The following PPP1R14C variants were observed in gnomAD, a reference collection of about 807,000 sequenced individuals.
PPP1R14C encodes protein phosphatase 1 regulatory subunit 14C.
PPP1R14C carries 16 observed loss-of-function variants against 20.4 expected under a neutral mutation model. The observed-to-expected ratio is 0.78, with a 90% CI of 0.53 to 1.19. The LOEUF is 1.19. PPP1R14C is among the 50% of genes most tolerant of loss of function. The pLI is 0.00. For missense variants in PPP1R14C, 211 were observed against 220.1 expected, an observed-to-expected ratio of 0.96 and a Z score of 0.26; for synonymous variants, 91 against 91.0, an observed-to-expected ratio of 1.00 and a Z score of 0.00.
chr6:150,235,900 A>G (rs925607340), intron 3 of PPP1R14C, among the ~76,000 whole-genome samples: 7 of 152,150 alleles, frequency 4.6e-5, no homozygotes, highest in Non-Finnish European at 7.4e-5. Flanking sequence ...TGACCTTTGC[A>G]TGTCTTTCGT....
chr6:150,143,102 A>C lies in PPP1R14C; in HGVS notation c.-91A>C. 3.5e-6 allele frequency: 4 copies of C among 1,146,530 alleles called. No individual in the cohort carries two copies. The highest frequency in any genetic ancestry group is 3.2e-6 in the Non-Finnish European group (3 of 937,550). The allele number at this position is 1,146,530 out of a possible 1,614,324, so 71.0% of individuals were successfully genotyped here. On this transcript the variant is annotated 5_prime_UTR_variant, in exon 1 of 4. An upstream start codon of the reference 5' UTR is lost. Transcript: ENST00000361131. The surrounding 1 kb of genome is among the most constrained non-coding windows in gnomAD (Gnocchi z 5.6). Reference sequence around the variant, plus strand: ...GAGCAGGTGCCGGGGAGCCCTTCGCATGCGGCTGCCGGGCCGGAGGTGGTA... The same window carrying C: ...GAGCAGGTGCCGGGGAGCCCTTCGCCTGCGGCTGCCGGGCCGGAGGTGGTA...
At chr6:150,198,397 G>A (rs949559892) in intron 1 of PPP1R14C, among the ~76,000 whole-genome samples, 1 of 152,236 alleles carries the variant, frequency 6.6e-6, no homozygotes, top group African/African-American at 2.4e-5. Flanking sequence ...CCCTGCTGTG[G>A]CTGCGTGGTT....
Position 150,201,358 on chromosome 6 carries a change from G to A in PPP1R14C, c.307-13386G>A, listed in dbSNP as rs1777875433. 6.6e-6 allele frequency among the ~76,000 whole-genome samples: 1 copy of A among 152,158 alleles called. No individual in the cohort carries two copies. Among genetic ancestry groups the A allele is most frequent in the African/African-American group, 2.4e-5 (1 of 41,426 alleles). On this transcript the variant is annotated intron_variant, in intron 1 of 3. Transcript: ENST00000361131. The surrounding 1 kb of genome is among the most constrained non-coding windows in gnomAD (Gnocchi z 4.2). ...GGCTGGGAGGTTGACCTCATCACAA[G>A]TCTGGCGAAGACATTTTGCTTTAGG...
Position 150,143,102 on chromosome 6 carries a change from A to T in PPP1R14C, c.-91A>T, listed in dbSNP as rs1348172199. ...GAGCAGGTGCCGGGGAGCCCTTCGC[A>T]TGCGGCTGCCGGGCCGGAGGTGGTA... On this transcript the variant is annotated 5_prime_UTR_variant, in exon 1 of 4. It removes an upstream start codon present in the reference 5' UTR. Coordinates refer to ENST00000361131, the MANE Select transcript of PPP1R14C (RefSeq NM_030949.3). The surrounding 1 kb of genome is among the most constrained non-coding windows in gnomAD (Gnocchi z 5.6). The T allele has an allele frequency of 8.7e-7, 1 of 1,146,422 alleles. No individual in the cohort carries two copies. Among genetic ancestry groups the T allele is most frequent in the African/African-American group, 1.6e-5 (1 of 60,898 alleles). 71.0% of individuals were successfully genotyped at this position (1,146,422 alleles called of 1,614,324 possible). A position where few individuals can be genotyped will look rare whatever the true frequency, so the allele number is the denominator to read the frequency against.
chr6:150,180,959 G>T (rs1289868124), intron 1 of PPP1R14C, among the ~76,000 whole-genome samples: 1 of 152,152 alleles, frequency 6.6e-6, no homozygotes, highest in East Asian at 1.9e-4. Flanking sequence ...TCCAAAATAA[G>T]GACCCAATGT....
chr6:150,221,525 C>A (rs1392621983), intron 3 of PPP1R14C, among the ~76,000 whole-genome samples: 2 of 152,176 alleles, frequency 1.3e-5, no homozygotes, highest in African/African-American at 2.4e-5. Flanking sequence ...AATTGTTATG[C>A]CACTTGGAAG....
At chr6:150,190,517 C>G (rs141502705) in intron 1 of PPP1R14C, among the ~76,000 whole-genome samples, 1 of 151,752 alleles carries the variant, frequency 6.6e-6, no homozygotes, top group Non-Finnish European at 1.5e-5. Context: ...ACCTCCGCCT[C>G]CCAGGTTCAA....
chr6:150,195,105 T>A (rs1777786715), intron 1 of PPP1R14C: 1 of 983,842 alleles, frequency 1.0e-6, no homozygotes, highest in Non-Finnish European at 1.2e-6. Context: ...AGGTTACTCA[T>A]GCAATTATGT....
At chr6:150,217,236 C>T (rs1185427016) in intron 3 of PPP1R14C, among the ~76,000 whole-genome samples, 11 of 144,364 alleles carry the variant, frequency 7.6e-5, no homozygotes, top group Admixed American at 5.8e-4. Flanking sequence ...CGCTCTGTTG[C>T]GCAGGTTGGA....
Position 150,143,648 on chromosome 6 carries a change from C to G in PPP1R14C, c.306+150C>G. ...AGCGAGGCGCGGCGCCTTCTCTCCC[C>G]CGCGGTGCCCTCTGGCGTCGGGCTC... On this transcript the variant is annotated intron_variant, in intron 1 of 3. Transcript: ENST00000361131. This position sits in a 1 kb window ranked among gnomAD's most constrained non-coding sequence, Gnocchi z 5.6. 1.6e-6 allele frequency: 1 copy of G among 624,856 alleles called. No homozygotes were observed. 38.7% of individuals were successfully genotyped at this position (624,856 alleles called of 1,614,324 possible).
intron 1 of PPP1R14C, among the ~76,000 whole-genome samples, chr6:150,187,695 T>C (rs1777694333): frequency 2.0e-5 from 3 of 152,236 alleles, no homozygotes; most frequent in Admixed American, 6.5e-5. Context: ...TAGTCTATCA[T>C]TGATGGGCAT....
intron 1 of PPP1R14C, among the ~76,000 whole-genome samples, chr6:150,147,084 AT>A (rs1376121764): frequency 6.6e-6 from 1 of 150,876 alleles, no homozygotes; most frequent in African/African-American, 2.4e-5. Flanking sequence ...ATTAGACTAA[AT>A]CTACATCTAC....
chr6:150,184,985 C>T (rs1046200779), intron 1 of PPP1R14C, among the ~76,000 whole-genome samples: 38 of 152,324 alleles, frequency 2.5e-4, no homozygotes, highest in Non-Finnish European at 8.8e-5. Flanking sequence ...CCCTCATGCC[C>T]ATGGTTGGGC....
intron 1 of PPP1R14C, among the ~76,000 whole-genome samples, chr6:150,211,452 A>G (rs1301382107): frequency 3.9e-5 from 6 of 152,146 alleles, no homozygotes. Flanking sequence ...CTGTTTAGGG[A>G]CACACCTTTA....
chr6:150,155,056 A>G (rs1777291282), intron 1 of PPP1R14C, among the ~76,000 whole-genome samples: 1 of 152,104 alleles, frequency 6.6e-6, no homozygotes. Context: ...GGTGGTATTT[A>G]TTTTAACTTG....
intron 3 of PPP1R14C, among the ~76,000 whole-genome samples, chr6:150,220,161 G>A (rs1045942249): frequency 6.6e-6 from 1 of 152,210 alleles, no homozygotes; most frequent in African/African-American, 2.4e-5. Flanking sequence ...GGCCAAGACT[G>A]TTTGGCTATT....
In PPP1R14C at chr6:150,216,808, G is replaced by A. The variant is rs1282034695; in HGVS notation, c.391-16G>A. 1 of 1,561,244 alleles carries A rather than the reference G, an allele frequency of 6.4e-7. No homozygotes were observed. The highest frequency in any genetic ancestry group is 8.7e-7 in the Non-Finnish European group (1 of 1,147,818). On this transcript the variant is annotated splice_polypyrimidine_tract_variant and intron_variant, in intron 2 of 3. Transcript: ENST00000361131. ...TTTAAAATAATAAAACTGATTTTCT[G>A]TGTGTTTAATTCTAGGAAGCTCTTG...
intron 1 of PPP1R14C, among the ~76,000 whole-genome samples, chr6:150,207,450 C>T (rs544175017): frequency 2.0e-5 from 3 of 152,336 alleles, no homozygotes; most frequent in South Asian, 2.1e-4. Context: ...CCATGCCTTG[C>T]GTGCTCCCCA....
chr6:150,192,050 A>G (rs1431553737), intron 1 of PPP1R14C, among the ~76,000 whole-genome samples: 3 of 152,102 alleles, frequency 2.0e-5, no homozygotes, highest in Admixed American at 2.0e-4. Context: ...CCTAAAGGAT[A>G]CTACTGAATC....
Sources: allele counts gnomAD v4.1 joint callset (sites outside exome capture counted in the v4.1 genomes callset), GRCh38; gene constraint gnomAD v4.1.1; non-coding constraint Gnocchi (gnomAD v3.1); transcripts MANE v1.5; gene names NCBI Gene and HGNC (gene_info 2026-07-23, HGNC 2026-07-21).